CNOT6L: variants seen among roughly 807,000 people sequenced by gnomAD.
The protein encoded by CNOT6L is CCR4-NOT transcription complex subunit 6-like.
CNOT6L carries 7 observed loss-of-function variants against 64.0 expected under a neutral mutation model. That is an observed-to-expected ratio of 0.11 (90% CI 0.06 to 0.21). CNOT6L has a LOEUF of 0.21. Among genes scored for constraint, CNOT6L ranks in the 10% least tolerant of loss-of-function variants. The pLI is 1.00. For missense variants in CNOT6L, 245 were observed against 669.0 expected (o/e 0.37, Z 6.99); for synonymous variants, 193 against 243.4 (o/e 0.79, Z 1.93).
At chr4:77,742,017 A>T in intron 8 of CNOT6L, 124 bp downstream of exon 8, 1 of 796,100 alleles carries the variant, frequency 1.3e-6, no homozygotes, top group South Asian at 2.0e-5. Context: ...CAACAGTTTT[A>T]AGTTGCATAA....
Position 77,819,072 on chromosome 4 carries a change from A to ACACACACACACACACACC in CNOT6L, c.5+231_5+232insGGTGTGTGTGTGTGTGTG, listed in dbSNP as rs753626544. 5.5e-6 allele frequency: 4 copies of ACACACACACACACACACC among 729,842 alleles called. No homozygotes were observed. The East Asian group carries it at 1.1e-4, about 20-fold the overall frequency. The allele number at this position is 729,842 out of a possible 1,614,324, so 45.2% of individuals were successfully genotyped here. On this transcript the variant is annotated intron_variant, in intron 1 of 11. Transcript: ENST00000504123. The stretch of plus-strand genomic sequence containing the variant: ...CCGACACACACACACACACACACAC[A>ACACACACACACACACACC]CACCCCGGAACCTTCGCCCGCCTCT...
intron 8 of CNOT6L, 40 bp from the exon 9 acceptor site, chr4:77,731,578 T>C (rs1443758208): frequency 2.2e-6 from 3 of 1,381,296 alleles, no homozygotes; most frequent in Admixed American, 2.5e-5. Context: ...ACCTAGACTA[T>C]CATGCTGAAA....
At chr4:77,785,519 G>GA (rs200908481) in intron 1 of CNOT6L, among the ~76,000 whole-genome samples, 58 of 147,120 alleles carry the variant, frequency 3.9e-4, no homozygotes, top group African/African-American at 1.1e-3. Context: ...ACACGTATCT[G>GA]AAAAAAAAAC....
At chr4:77,739,310 TAC>T (rs1459734320) in intron 8 of CNOT6L, among the ~76,000 whole-genome samples, 1 of 152,206 alleles carries the variant, frequency 6.6e-6, no homozygotes, top group Admixed American at 6.5e-5. Context: ...TGAGAGTAAG[TAC>T]AGTGTTGACT....
chr4:77,722,145 T>C (rs1464846347), intron 11 of CNOT6L, among the ~76,000 whole-genome samples: 1 of 152,170 alleles, frequency 6.6e-6, no homozygotes, highest in African/African-American at 2.4e-5. Flanking sequence ...ACAGTGATAT[T>C]TTAGAAAATG....
At chr4:77,816,999 T>G (rs1040500180) in intron 1 of CNOT6L, among the ~76,000 whole-genome samples, 1 of 152,182 alleles carries the variant, frequency 6.6e-6, no homozygotes, top group Non-Finnish European at 1.5e-5. Context: ...CAGAGAAATA[T>G]TCTAAGAAGT....
intron 1 of CNOT6L, among the ~76,000 whole-genome samples, chr4:77,791,978 T>A (rs575258670): frequency 2.0e-5 from 3 of 152,174 alleles, no homozygotes; most frequent in Non-Finnish European, 4.4e-5. Context: ...CTGTATTTAC[T>A]CATCAGCTGT....
chr4:77,766,216 GTATATA>G (rs1210823462), intron 4 of CNOT6L, among the ~76,000 whole-genome samples: 7 of 152,078 alleles, frequency 4.6e-5, no homozygotes, highest in African/African-American at 1.7e-4. Context: ...GTATGTATAT[GTATATA>G]TATATTTTAC....
intron 4 of CNOT6L, among the ~76,000 whole-genome samples, chr4:77,757,732 CT>C (rs1471924370): frequency 6.6e-6 from 1 of 152,140 alleles, no homozygotes; most frequent in Admixed American, 6.5e-5. Context: ...GACAGTCTCA[CT>C]CTGTTGCCTG....
At chr4:77,727,562 C>CAAA (rs55848621) in intron 10 of CNOT6L, among the ~76,000 whole-genome samples, 1 of 84,588 alleles carries the variant, frequency 1.2e-5, no homozygotes, top group African/African-American at 4.9e-5. Context: ...AACTCTGTCT[C>CAAA]AAAAAAAAAA....
At position 77,754,888 on chromosome 4, in the gene CNOT6L, T is replaced by TAAAAAAAAAAAAAAAAAAAAAA; in HGVS notation, c.490+1952_490+1973dup. On this transcript the variant is annotated intron_variant, in intron 5 of 11. Transcript: ENST00000504123. ...AAAACCTAATTCTAAACATTAGAAGTAAAAAAAAAAAAAAAAAAAAAAAAA... is the reference window on the plus strand; with the variant it reads ...AAAACCTAATTCTAAACATTAGAAGTAAAAAAAAAAAAAAAAAAAAAAAAAAAAAAAAAAAAAAAAAAAAAAA... 1.7e-3 allele frequency among the ~76,000 whole-genome samples: 61 copies of TAAAAAAAAAAAAAAAAAAAAAA among 36,946 alleles called. 13 individuals are homozygous for TAAAAAAAAAAAAAAAAAAAAAA. The highest frequency in any genetic ancestry group is 5.1e-3 in the South Asian group (3 of 586). 24.2% of individuals were successfully genotyped at this position (36,946 alleles called of 152,430 possible).
At chr4:77,743,586 CTTTTTTTTTTTTTTTTT>C (rs142888128) in intron 7 of CNOT6L, among the ~76,000 whole-genome samples, 4 of 70,890 alleles carry the variant, frequency 5.6e-5, no homozygotes, top group African/African-American at 2.0e-4. Context: ...TAACACACAA[CTTTTTTTTTTTTTTTTT>C]TTTTTTTTTT....
At chr4:77,733,004 C>T (rs887741454) in intron 8 of CNOT6L, among the ~76,000 whole-genome samples, 1 of 152,056 alleles carries the variant, frequency 6.6e-6, no homozygotes, top group Non-Finnish European at 1.5e-5. Flanking sequence ...CAAGAGAAAT[C>T]AAGAGGAGTG....
At chr4:77,773,568 C>T (rs557576463) in intron 3 of CNOT6L, among the ~76,000 whole-genome samples, 2 of 152,240 alleles carry the variant, frequency 1.3e-5, no homozygotes, top group East Asian at 1.9e-4. Flanking sequence ...AATTTTTACA[C>T]AAACTTCAGG....
At chr4:77,767,600 A>G (rs958688855) in intron 4 of CNOT6L, among the ~76,000 whole-genome samples, 5 of 152,176 alleles carry the variant, frequency 3.3e-5, no homozygotes, top group African/African-American at 1.2e-4. Flanking sequence ...CTATTCACTA[A>G]TGATGTTGAG....
chr4:77,736,239 AAG>A (rs1412806965), intron 8 of CNOT6L, among the ~76,000 whole-genome samples: 2 of 152,020 alleles, frequency 1.3e-5, no homozygotes, highest in South Asian at 2.1e-4. Context: ...TGAAAAACCA[AAG>A]AGAGAGTTGA....
intron 1 of CNOT6L, among the ~76,000 whole-genome samples, chr4:77,795,150 G>A (rs1015309266): frequency 6.6e-6 from 1 of 151,124 alleles, no homozygotes; most frequent in Non-Finnish European, 1.5e-5. Context: ...CTCCTGAGTA[G>A]CTGAGATTAC....
chr4:77,747,040 TAA>T (rs966835462), intron 6 of CNOT6L, among the ~76,000 whole-genome samples: 6 of 135,900 alleles, frequency 4.4e-5, no homozygotes, highest in African/African-American at 1.4e-4. Flanking sequence ...TTCCAAATAC[TAA>T]AAAAAAAAAA....
At position 77,721,809 on chromosome 4, in the gene CNOT6L, G is replaced by A. The variant is rs960333779; in HGVS notation, c.1456-1166C>T. Among the ~76,000 whole-genome samples the A allele has an allele frequency of 5.3e-4, 81 of 151,780 alleles. 1 individual carries two copies. The highest frequency in any genetic ancestry group is 2.2e-4 in the Non-Finnish European group (15 of 67,916). ...AACATAATGAGACCCAGGATTTTAC[G>A]AAAAATTTAAACATTAGCCAGGTGT... is the stretch of plus-strand genomic sequence containing the variant. On this transcript the variant is annotated intron_variant, in intron 11 of 11. Transcript: ENST00000504123.
Sources: gnomAD v4.1 joint callset for allele counts (sites outside exome capture counted in the v4.1 genomes callset) on GRCh38, gnomAD v4.1.1 for gene constraint, MANE v1.5 for transcripts, NCBI Gene and HGNC (gene_info 2026-07-23, HGNC 2026-07-21) for gene names.